FAM234B: variants seen among roughly 807,000 people sequenced by gnomAD.
FAM234B encodes family with sequence similarity 234 member B, also known as protein FAM234B.
A neutral mutation model predicts 69.3 loss-of-function variants in FAM234B; 33 were observed. That is an observed-to-expected ratio of 0.48 (90% CI 0.36 to 0.64). The LOEUF is 0.64. Ranked by LOEUF, FAM234B falls within the 30% of genes least tolerant of loss-of-function variation. The probability of loss-of-function intolerance (pLI) is 0.00; values close to 1 mark genes in which losing one functional copy is unlikely to be tolerated. For synonymous variants in FAM234B, 306 were observed against 306.9 expected (o/e 1.00, Z 0.03); for missense variants, 697 against 769.7 (o/e 0.91, Z 1.12).
At position 13,076,132 on chromosome 12, in the gene FAM234B, C is replaced by G. The variant is rs142863695; in HGVS notation, c.1631C>G (p.Thr544Arg). Residue 544 changes from threonine to arginine, a missense_variant, in exon 11 of 13, where the codon ACG (threonine) becomes AGG (arginine). By Grantham distance (71) the Thr-to-Arg change is moderately conservative (BLOSUM62 -1). Coordinates refer to ENST00000197268, the MANE Select transcript of FAM234B (RefSeq NM_020853.2). ...CTGGCCAACACCACCGGCACAGTGA[C>G]GGCTTCAGAGGGTGAGTCCCAGTGC... ...LDLANTTGTVTASEVGINDLW... is the reference protein window; with the variant it reads ...LDLANTTGTVRASEVGINDLW... The G allele has an allele frequency of 6.2e-6, 10 of 1,612,434 alleles. No homozygotes were observed. The African/African-American group carries it at 1.1e-4, about 17-fold the overall frequency.
At chr12:13,075,451 T>TTTTTTTTTG (rs1865149000) in intron 10 of FAM234B, among the ~76,000 whole-genome samples, 8 of 122,510 alleles carry the variant, frequency 6.5e-5, no homozygotes, top group Admixed American at 1.6e-4. Flanking sequence ...TTTTTTTTAT[T>TTTTTTTTTG]TTTTGAGACA....
chr12:13,067,244 G>GAATGGGA lies in FAM234B; in HGVS notation c.1093_1099dup (p.Lys367MetfsTer11). On this transcript the variant is annotated frameshift_variant, in exon 7 of 13. Coordinates refer to ENST00000197268, the MANE Select transcript of FAM234B (RefSeq NM_020853.2). LOFTEE classifies it high-confidence loss of function. This position sits in a 1 kb window ranked among gnomAD's most constrained non-coding sequence, Gnocchi z 4.7. Reference sequence around the variant, plus strand: ...ACCTTCTCTGCAGATAGAAGAGCCAGAATGGGAAAAGCGAAGATCCATCAA... The same window carrying GAATGGGA: ...ACCTTCTCTGCAGATAGAAGAGCCAGAATGGGAAATGGGAAAAGCGAAGATCCATCAA... 1 of 1,614,048 alleles carries GAATGGGA rather than the reference G, an allele frequency of 6.2e-7. No individual in the cohort carries two copies. Among genetic ancestry groups the GAATGGGA allele is most frequent in the Non-Finnish European group, 8.5e-7 (1 of 1,179,908 alleles).
At chr12:13,078,291 A>G (rs1474217878) in intron 11 of FAM234B, among the ~76,000 whole-genome samples, 4 of 151,918 alleles carry the variant, frequency 2.6e-5, no homozygotes, top group Non-Finnish European at 5.9e-5. Context: ...CCGTTTGTCA[A>G]TTTTGTCTTT....
chr12:13,059,105 C>T (rs1230348275), intron 3 of FAM234B, among the ~76,000 whole-genome samples: 1 of 152,164 alleles, frequency 6.6e-6, no homozygotes, highest in African/African-American at 2.4e-5. Context: ...CTGCTGGTCT[C>T]CTTTCAATGG....
At chr12:13,066,927 C>A in intron 6 of FAM234B, 140 bp downstream of exon 6, 2 of 1,005,764 alleles carry the variant, frequency 2.0e-6, no homozygotes, top group Non-Finnish European at 2.9e-6. Context: ...TCTTACTGTC[C>A]CCCACCGATC....
intron 10 of FAM234B, among the ~76,000 whole-genome samples, chr12:13,072,445 A>G (rs1436540105): frequency 6.6e-6 from 1 of 152,190 alleles, no homozygotes; most frequent in Non-Finnish European, 1.5e-5. Flanking sequence ...AAAATAAAAA[A>G]TATCGGCTGG....
At chr12:13,063,115 G>A (rs574148638) in intron 5 of FAM234B, 140 bp downstream of exon 5, 20 of 1,013,042 alleles carry the variant, frequency 2.0e-5, no homozygotes, top group Non-Finnish European at 7.2e-6. Flanking sequence ...TTCTCTTTGT[G>A]AGGTTAAGTG....
Position 13,067,088 on chromosome 12 carries a change from C to A in FAM234B, c.1001-67C>A. 1.3e-6 allele frequency: 2 copies of A among 1,585,184 alleles called. No individual in the cohort carries two copies. The highest frequency in any genetic ancestry group is 2.2e-5 in the South Asian group (2 of 89,010). On this transcript the variant is annotated intron_variant, in intron 6 of 12. Coordinates refer to ENST00000197268, the MANE Select transcript of FAM234B (RefSeq NM_020853.2). The surrounding 1 kb of genome is among the most constrained non-coding windows in gnomAD (Gnocchi z 4.7). ...CTGGTCAGGCTCTGTGTCTCTTGCTCAGATCCTCACCATGGGACAGTTCTG... is the reference window on the plus strand; with the variant it reads ...CTGGTCAGGCTCTGTGTCTCTTGCTAAGATCCTCACCATGGGACAGTTCTG...
chr12:13,051,926 C>T (rs938149114), intron 1 of FAM234B, among the ~76,000 whole-genome samples: 1 of 152,108 alleles, frequency 6.6e-6, no homozygotes, highest in African/African-American at 2.4e-5. Flanking sequence ...ATTCTCATCA[C>T]AATCATATGA....
intron 3 of FAM234B, among the ~76,000 whole-genome samples, chr12:13,058,851 CG>C (rs1369343051): frequency 6.6e-6 from 1 of 152,188 alleles, no homozygotes; most frequent in Non-Finnish European, 1.5e-5. Flanking sequence ...TGTTAGTCCT[CG>C]GGTTCCTTGG....
chr12:13,048,126 C>T (rs753942296), intron 1 of FAM234B, among the ~76,000 whole-genome samples: 1 of 152,168 alleles, frequency 6.6e-6, no homozygotes. Flanking sequence ...TAACTCAGAG[C>T]GCTTGTGTGC....
In FAM234B at chr12:13,067,139, T is replaced by A; in HGVS notation, c.1001-16T>A. On this transcript the variant is annotated splice_polypyrimidine_tract_variant and intron_variant, in intron 6 of 12. Transcript: ENST00000197268. This position sits in a 1 kb window ranked among gnomAD's most constrained non-coding sequence, Gnocchi z 4.7. ...TTAAATTCAACTTCTCAGTGTTGGTTCTTCTGTGGTGCTAGGAAATATACA... is the reference window on the plus strand; with the variant it reads ...TTAAATTCAACTTCTCAGTGTTGGTACTTCTGTGGTGCTAGGAAATATACA... 1 of 1,613,932 alleles carries A rather than the reference T, an allele frequency of 6.2e-7. No homozygotes were observed. The highest frequency in any genetic ancestry group is 8.5e-7 in the Non-Finnish European group (1 of 1,179,838).
intron 5 of FAM234B, among the ~76,000 whole-genome samples, chr12:13,066,254 C>T (rs993382127): frequency 6.6e-6 from 1 of 152,148 alleles, no homozygotes; most frequent in African/African-American, 2.4e-5. Flanking sequence ...AGCACTGCCT[C>T]GATTAACTCT....
intron 10 of FAM234B, among the ~76,000 whole-genome samples, chr12:13,075,611 T>TC (rs1491184588): frequency 1.4e-3 from 19 of 14,042 alleles, no homozygotes; most frequent in Non-Finnish European, 1.5e-3. Context: ...TTTTTTTCTC[T>TC]TTTTTTTTTT....
chr12:13,071,366 C>T lies in FAM234B; in HGVS notation c.1494C>T (p.Ala498=), dbSNP rs374898629. 24 of 1,613,968 alleles carry T rather than the reference C, an allele frequency of 1.5e-5. No individual in the cohort carries two copies. The East Asian group carries it at 1.6e-4, about 10-fold the overall frequency. The change falls in exon 10 of 13, where the codon GCC becomes GCT. Residue 498 remains alanine, a synonymous_variant. Coordinates refer to ENST00000197268, the MANE Select transcript of FAM234B (RefSeq NM_020853.2). ...SDQKSVFLFW[A]EGLSAASPNS... The stretch of plus-strand genomic sequence containing the variant: ...AGAAGTCTGTCTTCCTCTTCTGGGC[C>T]GAAGGGCTGTCAGCTGCATCTCCCA...
chr12:13,080,192 A>G (rs1865208929), intron 12 of FAM234B, among the ~76,000 whole-genome samples, 183 bp downstream of exon 12: 2 of 152,162 alleles, frequency 1.3e-5, no homozygotes, highest in Non-Finnish European at 2.9e-5. Context: ...ATGATTCTCA[A>G]TTGTTTTCAG....
chr12:13,062,379 A>T (rs1209501021), intron 4 of FAM234B: 1 of 156,094 alleles, frequency 6.4e-6, no homozygotes, highest in Non-Finnish European at 1.4e-5. Context: ...CTTCTGAGTG[A>T]AAAAAACTGG....
intron 10 of FAM234B, among the ~76,000 whole-genome samples, chr12:13,075,740 G>C (rs931774969): frequency 6.6e-6 from 1 of 151,688 alleles, no homozygotes; most frequent in Non-Finnish European, 1.5e-5. Context: ...ACAGGCATGA[G>C]CCACCGCACC....
At chr12:13,077,841 C>G (rs1441123451) in intron 11 of FAM234B, among the ~76,000 whole-genome samples, 1 of 152,132 alleles carries the variant, frequency 6.6e-6, no homozygotes, top group Admixed American at 6.5e-5. Context: ...CCTGAGGAAT[C>G]GCCACACTGA....
Sources: allele counts gnomAD v4.1 joint callset (sites outside exome capture counted in the v4.1 genomes callset), GRCh38; gene constraint gnomAD v4.1.1; non-coding constraint Gnocchi (gnomAD v3.1); transcripts MANE v1.5; gene names NCBI Gene and HGNC (gene_info 2026-07-23, HGNC 2026-07-21).